Variants in THOP1 observed in about 807,000 individuals in gnomAD.
THOP1 encodes thimet oligopeptidase 1.
THOP1 carries 49 observed loss-of-function variants against 71.8 expected under a neutral mutation model. The observed-to-expected ratio is 0.68, with a 90% CI of 0.54 to 0.87. The LOEUF (loss-of-function observed/expected upper bound fraction) is 0.87, where lower values mean the gene tolerates loss of function less well. THOP1 is among the 40% of genes least tolerant of loss of function. THOP1 has a pLI of 0.00. For missense variants in THOP1, 843 were observed against 975.6 expected, an observed-to-expected ratio of 0.86 and a Z score of 1.81; for synonymous variants, 426 against 421.5, an observed-to-expected ratio of 1.01 and a Z score of -0.13.
intron 2 of THOP1, among the ~76,000 whole-genome samples, chr19:2,791,979 C>G (rs914590721): frequency 6.6e-6 from 1 of 152,190 alleles, no homozygotes; most frequent in Non-Finnish European, 1.5e-5. Context: ...TCGCGCCCCT[C>G]GCCCTGTGCT....
Position 2,801,725 on chromosome 19 carries a change from C to T in THOP1, c.589+1934C>T, listed in dbSNP as rs1235097694. On this transcript the variant is annotated intron_variant, in intron 5 of 12. Transcript: ENST00000307741. The surrounding 1 kb of genome is among the most constrained non-coding windows in gnomAD (Gnocchi z 5.1). ...GCCATATCTGGCCAGGGCCTTCTTC[C>T]TGGTGGGGACTCTGGAGCCCTGAGG... 6.6e-6 allele frequency among the ~76,000 whole-genome samples: 1 copy of T among 152,166 alleles called. No individual in the cohort carries two copies. Among genetic ancestry groups the T allele is most frequent in the African/African-American group, 2.4e-5 (1 of 41,426 alleles).
chr19:2,806,469 G>A (rs934456019), intron 6 of THOP1: 5 of 202,428 alleles, frequency 2.5e-5, no homozygotes, highest in East Asian at 1.7e-4. Flanking sequence ...CCTCGTAAAC[G>A]CCTCACGTGG....
chr19:2,794,281 C>T (rs1381593606), intron 2 of THOP1, among the ~76,000 whole-genome samples: 18 of 152,122 alleles, frequency 1.2e-4, no homozygotes, highest in Non-Finnish European at 5.9e-5. Context: ...TCCCAAAGGG[C>T]TGGGATTACA....
At chr19:2,812,199 T>C in intron 12 of THOP1, 1 of 1,505,948 alleles carries the variant, frequency 6.6e-7, no homozygotes, top group South Asian at 1.2e-5. Context: ...CAACCTCCAG[T>C]TTCCTCACTA....
chr19:2,795,493 G>A (rs1915992476), intron 3 of THOP1, among the ~76,000 whole-genome samples: 1 of 152,246 alleles, frequency 6.6e-6, no homozygotes, highest in Non-Finnish European at 1.5e-5. Flanking sequence ...CTGGGAATGT[G>A]CTGATGTGTC....
chr19:2,790,922 C>G (rs1915862387), intron 2 of THOP1, among the ~76,000 whole-genome samples: 2 of 152,210 alleles, frequency 1.3e-5, no homozygotes, highest in Admixed American at 1.3e-4. Flanking sequence ...AAAGGACTCC[C>G]TGGTTGTGTG....
chr19:2,797,385 C>A (rs1304604573), intron 4 of THOP1, among the ~76,000 whole-genome samples: 3 of 152,204 alleles, frequency 2.0e-5, no homozygotes, highest in South Asian at 4.1e-4. Context: ...AGAATACAGG[C>A]CCCTGATTCA....
chr19:2,810,181 C>T, intron 9 of THOP1, 123 bp from the exon 10 acceptor site: 2 of 1,272,082 alleles, frequency 1.6e-6, no homozygotes, highest in Non-Finnish European at 2.1e-6. Context: ...GGTGGGAGGG[C>T]CGGGCCCAGC....
intron 3 of THOP1, among the ~76,000 whole-genome samples, 194 bp downstream of exon 3, chr19:2,795,106 G>T (rs1915983532): frequency 1.3e-5 from 2 of 152,224 alleles, no homozygotes; most frequent in African/African-American, 4.8e-5. Flanking sequence ...TGACAGGTGT[G>T]AGCCACTGTG....
In THOP1 at chr19:2,805,756, C is replaced by T. The variant is rs373086716; in HGVS notation, c.750+580C>T. Among the ~76,000 whole-genome samples the T allele has an allele frequency of 5.3e-5, 8 of 152,198 alleles. No individual in the cohort carries two copies. The highest frequency in any genetic ancestry group is 3.9e-4 in the Admixed American group (6 of 15,294). On this transcript the variant is annotated intron_variant, in intron 6 of 12. Transcript: ENST00000307741. The surrounding 1 kb of genome is among the most constrained non-coding windows in gnomAD (Gnocchi z 6.6). ...TGACGACACCAAGTTGGTGCTTGTGCGGCTGGCAAAAGGGGGATACACGCT... is the reference window on the plus strand; with the variant it reads ...TGACGACACCAAGTTGGTGCTTGTGTGGCTGGCAAAAGGGGGATACACGCT...
In THOP1 at chr19:2,810,294, A is replaced by G; in HGVS notation, c.1456-10A>G. 6 of 1,609,618 alleles carry G rather than the reference A, an allele frequency of 3.7e-6. No individual in the cohort carries two copies. The highest frequency in any genetic ancestry group is 2.0e-4 in the Middle Eastern group (1 of 5,094). On this transcript the variant is annotated splice_polypyrimidine_tract_variant and intron_variant, in intron 9 of 12. Transcript: ENST00000307741. ...CCTGGGCACTCTGAGGCTCTGCCCC[A>G]TCCCTGCAGGCGGAGTTCGCCATGT...
At chr19:2,808,806 G>A (rs369081224) in intron 9 of THOP1, among the ~76,000 whole-genome samples, 2 of 152,318 alleles carry the variant, frequency 1.3e-5, no homozygotes, top group Non-Finnish European at 1.5e-5. Flanking sequence ...TCCCCATCTC[G>A]TCTTCTTACA....
At chr19:2,788,743 T>C (rs544217296) in intron 1 of THOP1, among the ~76,000 whole-genome samples, 4 of 152,090 alleles carry the variant, frequency 2.6e-5, no homozygotes, top group Admixed American at 2.6e-4. Context: ...CCTCCCAAAG[T>C]GTTGGGATTA....
intron 1 of THOP1, among the ~76,000 whole-genome samples, chr19:2,786,707 T>C (rs1001341307): frequency 2.0e-5 from 3 of 151,128 alleles, no homozygotes; most frequent in Non-Finnish European, 4.4e-5. Flanking sequence ...GTTCAAGCTA[T>C]GCTGCTTCAG....
intron 4 of THOP1, 63 bp downstream of exon 4, chr19:2,796,251 ACAGGGAGTGCTCAGTCC>A: frequency 7.6e-7 from 1 of 1,322,292 alleles, no homozygotes; most frequent in Non-Finnish European, 1.1e-6. Context: ...AGTGCTGGGC[ACAGGGAGTGCTCAGTCC>A]CAGGGAGTGG....
Position 2,804,661 on chromosome 19 carries a change from TG to T in THOP1, c.590-354del, listed in dbSNP as rs1916245855. 1 of 202,376 alleles carries T rather than the reference TG, an allele frequency of 4.9e-6. No individual in the cohort carries two copies. Among genetic ancestry groups the T allele is most frequent in the Non-Finnish European group, 9.9e-6 (1 of 100,858 alleles). 12.5% of individuals were successfully genotyped at this position (202,376 alleles called of 1,614,324 possible). A position where few individuals can be genotyped will look rare whatever the true frequency, so the allele number is the denominator to read the frequency against. The stretch of plus-strand genomic sequence containing the variant: ...CTCCTCCCTTCACACATGAGGTTGG[TG>T]ACGGCGCCCTGGAAGCCCACGATGT... On this transcript the variant is annotated intron_variant, in intron 5 of 12. Coordinates refer to ENST00000307741, the MANE Select transcript of THOP1 (RefSeq NM_003249.5). The surrounding 1 kb of genome is among the most constrained non-coding windows in gnomAD (Gnocchi z 4.7).
At position 2,808,351 on chromosome 19, in the gene THOP1, G is replaced by A; in HGVS notation, c.1362G>A (p.Lys454=). 4.4e-6 allele frequency: 7 copies of A among 1,608,750 alleles called. No homozygotes were observed. Among genetic ancestry groups the A allele is most frequent in the South Asian group, 1.1e-5 (1 of 90,520 alleles). Residue 454 remains lysine (K), a synonymous_variant, in exon 9 of 13, where the codon AAG becomes AAA. Transcript: ENST00000307741. ...CGGCCATGGTGGCCAACTTCACCAA[G>A]CCCACAGCCGACGCGCCCTCGCTGC... is the stretch of plus-strand genomic sequence containing the variant. ...AIAAMVANFT[K]PTADAPSLLQ...
Position 2,785,696 on chromosome 19 carries a change from C to A in THOP1, c.16+18C>A, listed in dbSNP as rs761894309. On this transcript the variant is annotated intron_variant, in intron 1 of 12. Transcript: ENST00000307741. ...CCCCGCAGGTACCGACTACCCCGCT[C>A]GCCGGACCCGGGCGTCCCCTGCACC... The A allele has an allele frequency of 1.4e-6, 2 of 1,444,152 alleles. No homozygotes were observed. The highest frequency in any genetic ancestry group is 1.5e-5 in the South Asian group (1 of 66,984). The allele number at this position is 1,444,152 out of a possible 1,614,324, so 89.5% of individuals were successfully genotyped here.
chr19:2,789,050 C>T (rs1171500720), intron 1 of THOP1, among the ~76,000 whole-genome samples: 2 of 152,202 alleles, frequency 1.3e-5, no homozygotes, highest in Non-Finnish European at 2.9e-5. Flanking sequence ...CGTGAGCCAC[C>T]GTACCTGGCC....
Sources: allele counts gnomAD v4.1 joint callset (sites outside exome capture counted in the v4.1 genomes callset), GRCh38; gene constraint gnomAD v4.1.1; non-coding constraint Gnocchi (gnomAD v3.1); transcripts MANE v1.5; gene names NCBI Gene and HGNC (gene_info 2026-07-23, HGNC 2026-07-21).